Variants in ADCY8 observed in about 807,000 individuals in gnomAD.
The protein encoded by ADCY8 is adenylate cyclase 8.
A neutral mutation model predicts 119.7 loss-of-function variants in ADCY8; 51 were observed. The ratio of observed to expected loss-of-function variants is 0.43; its 90% CI spans 0.34 to 0.54. The LOEUF is 0.54. Ranked by LOEUF, ADCY8 falls within the 20% of genes least tolerant of loss-of-function variation. ADCY8 has a pLI of 0.03. For synonymous variants in ADCY8, 665 were observed against 651.0 expected (o/e 1.02, Z -0.33); for missense variants, 1,383 against 1,598.8 (o/e 0.87, Z 2.30).
intron 4 of ADCY8, among the ~76,000 whole-genome samples, chr8:130,941,991 A>G (rs1342818500): frequency 6.6e-6 from 1 of 152,138 alleles, no homozygotes; most frequent in African/African-American, 2.4e-5. Context: ...TAATAATAAA[A>G]CAACCACCAT....
At chr8:130,878,822 AGAAG>A (rs1818659333) in intron 8 of ADCY8, among the ~76,000 whole-genome samples, 1 of 152,218 alleles carries the variant, frequency 6.6e-6, no homozygotes, top group South Asian at 2.1e-4. Flanking sequence ...CAGCATTAAA[AGAAG>A]GAAGGAACTT....
intron 2 of ADCY8, among the ~76,000 whole-genome samples, chr8:130,968,679 C>T (rs771672807): frequency 3.9e-5 from 6 of 152,128 alleles, no homozygotes; most frequent in East Asian, 1.9e-4. Context: ...AGGACATCAG[C>T]GGTATTCTTT....
Position 131,040,152 on chromosome 8 carries a change from C to T in ADCY8, c.182G>A (p.Gly61Glu), listed in dbSNP as rs1450509856. The T allele has an allele frequency of 5.2e-6, 8 of 1,532,636 alleles. No homozygotes were observed. The highest frequency in any genetic ancestry group is 2.2e-4 in the Middle Eastern group (1 of 4,498). The allele number at this position is 1,532,636 out of a possible 1,614,324, so 94.9% of individuals were successfully genotyped here. Residue 61 changes from glycine (G) to glutamate (E), a missense_variant, in exon 1 of 18, where the codon GGG becomes GAG. Around this residue, in one of 2 missense-constraint regions of ADCY8, gnomAD observed 455 missense variants for 435.3 expected, o/e 1.05. Transcript: ENST00000286355. ...IHGHRGGSGS[G>E]SGGSGKASDP... The stretch of plus-strand genomic sequence containing the variant: ...CGAGGCTTTGCCCGAGCCTCCACTC[C>T]CGCTGCCGCTGCCTCCCCGGTGCCC...
chr8:130,943,262 G>C, intron 4 of ADCY8, 89 bp downstream of exon 4: 1 of 911,974 alleles, frequency 1.1e-6, no homozygotes, highest in South Asian at 1.5e-5. Flanking sequence ...AATGACATTG[G>C]GGAAGAAGGC....
chr8:130,830,181 A>G (rs1278071720), intron 12 of ADCY8, among the ~76,000 whole-genome samples: 3 of 152,142 alleles, frequency 2.0e-5, no homozygotes, highest in African/African-American at 7.2e-5. Flanking sequence ...GCAGCCCCAA[A>G]TTATTTTCCT....
At chr8:130,907,767 C>T (rs1261635559) in intron 6 of ADCY8, among the ~76,000 whole-genome samples, 1 of 152,134 alleles carries the variant, frequency 6.6e-6, no homozygotes, top group East Asian at 1.9e-4. Flanking sequence ...ATTTTAGAAT[C>T]AGGTGGTATA....
chr8:131,019,219 T>C (rs189772419), intron 1 of ADCY8, among the ~76,000 whole-genome samples: 60 of 152,324 alleles, frequency 3.9e-4, no homozygotes, highest in African/African-American at 1.4e-3. Flanking sequence ...CAACAACAAA[T>C]GTTTTCTACA....
At chr8:130,791,142 G>T (rs1335754637) in intron 15 of ADCY8, among the ~76,000 whole-genome samples, 2 of 152,214 alleles carry the variant, frequency 1.3e-5, no homozygotes, top group African/African-American at 4.8e-5. Context: ...CTCTCATGAA[G>T]CTTATACTCT....
At chr8:130,959,325 T>A (rs1284248422) in intron 2 of ADCY8, among the ~76,000 whole-genome samples, 1 of 152,218 alleles carries the variant, frequency 6.6e-6, no homozygotes, top group Non-Finnish European at 1.5e-5. Flanking sequence ...TTTTCTCGGT[T>A]ACAGGAAAAA....
Position 130,928,353 on chromosome 8 carries a change from G to A in ADCY8, c.1481+8720C>T, listed in dbSNP as rs192650172. Reference sequence around the variant, plus strand: ...CTCACAATGTGTTGGGATTACAGGTGTGAGCTGCTGCACTTGGCCTAACTT... The same window carrying A: ...CTCACAATGTGTTGGGATTACAGGTATGAGCTGCTGCACTTGGCCTAACTT... On this transcript the variant is annotated intron_variant, in intron 5 of 17. Coordinates refer to ENST00000286355, the MANE Select transcript of ADCY8 (RefSeq NM_001115.3). Among the ~76,000 whole-genome samples, 9 of 152,292 alleles carry A rather than the reference G, an allele frequency of 5.9e-5. No homozygotes were observed. The East Asian group carries it at 1.5e-3, about 26-fold the overall frequency.
intron 1 of ADCY8, among the ~76,000 whole-genome samples, chr8:130,994,956 G>A (rs1023907270): frequency 6.6e-6 from 1 of 152,132 alleles, no homozygotes; most frequent in African/African-American, 2.4e-5. Flanking sequence ...GGAATACTCA[G>A]TGCTAACCTG....
chr8:131,015,477 C>T (rs1823443092), intron 1 of ADCY8, among the ~76,000 whole-genome samples: 1 of 152,036 alleles, frequency 6.6e-6, no homozygotes, highest in African/African-American at 2.4e-5. Flanking sequence ...CAGCAATTGC[C>T]TTCATAAATC....
Position 130,784,713 on chromosome 8 carries a change from C to T in ADCY8, c.3153+670G>A, listed in dbSNP as rs143566244. Among the ~76,000 whole-genome samples the T allele has an allele frequency of 9.8e-4, 150 of 152,298 alleles. 1 individual carries two copies. The highest frequency in any genetic ancestry group is 3.2e-3 in the African/African-American group (134 of 41,558). ...GTAGTTTTCTGATCCCTGCTGCACA[C>T]GTACCAAATAATAACCAGCATGAGT... On this transcript the variant is annotated intron_variant, in intron 16 of 17. Transcript: ENST00000286355.
intron 11 of ADCY8, among the ~76,000 whole-genome samples, chr8:130,845,827 T>A (rs1817279117): frequency 6.6e-6 from 1 of 152,024 alleles, no homozygotes; most frequent in African/African-American, 2.4e-5. Flanking sequence ...CAAGCCTTGA[T>A]AATTGAATTA....
At chr8:130,886,761 GATATTTTTATTTGT>G (rs1387262605) in intron 7 of ADCY8, among the ~76,000 whole-genome samples, 2 of 152,022 alleles carry the variant, frequency 1.3e-5, no homozygotes, top group Non-Finnish European at 2.9e-5. Context: ...CTCACTGTCT[GATATTTTTATTTGT>G]ATATGGTTTT....
chr8:130,859,204 T>C (rs1302508476), intron 9 of ADCY8, among the ~76,000 whole-genome samples: 1 of 152,228 alleles, frequency 6.6e-6, no homozygotes, highest in Non-Finnish European at 1.5e-5. Flanking sequence ...AACATATCTA[T>C]AAATATTCCT....
At chr8:130,911,019 T>G (rs1819964420) in intron 5 of ADCY8, among the ~76,000 whole-genome samples, 1 of 152,224 alleles carries the variant, frequency 6.6e-6, no homozygotes, top group African/African-American at 2.4e-5. Context: ...TATTCATTTG[T>G]CTTTGACAGA....
At chr8:130,898,983 G>A (rs1819502609) in intron 7 of ADCY8, among the ~76,000 whole-genome samples, 1 of 152,108 alleles carries the variant, frequency 6.6e-6, no homozygotes, top group African/African-American at 2.4e-5. Context: ...CATCAACAAA[G>A]CTTGCAGGAC....
At chr8:130,910,123 C>T (rs1264243767) in intron 5 of ADCY8, among the ~76,000 whole-genome samples, 3 of 151,976 alleles carry the variant, frequency 2.0e-5, no homozygotes, top group African/African-American at 7.3e-5. Context: ...GTGTGAGCCA[C>T]CACGCCCGTC....
Sources: allele counts gnomAD v4.1 joint callset (sites outside exome capture counted in the v4.1 genomes callset), GRCh38; gene constraint gnomAD v4.1.1; regional missense constraint gnomAD v4.1.1; transcripts MANE v1.5; gene names NCBI Gene and HGNC (gene_info 2026-07-23, HGNC 2026-07-21).